The following LATS1 variants were observed in gnomAD, a reference collection of about 807,000 sequenced individuals.
LATS1 encodes large tumor suppressor kinase 1, also known as serine/threonine-protein kinase LATS1.
Under a neutral mutation model 106.6 loss-of-function variants are expected in LATS1, and 25 were observed. The observed-to-expected ratio is 0.23, with a 90% CI of 0.17 to 0.33. The LOEUF (loss-of-function observed/expected upper bound fraction) is 0.33. LATS1 is among the 10% of genes least tolerant of loss of function. LATS1 has a pLI of 1.00. For missense variants in LATS1, 1,040 were observed against 1,382.6 expected (o/e 0.75, Z 3.93); for synonymous variants, 465 against 455.6 (o/e 1.02, Z -0.26).
At chr6:149,673,990 C>G (rs1562323377) in intron 7 of LATS1, among the ~76,000 whole-genome samples, 1 of 149,994 alleles carries the variant, frequency 6.7e-6, no homozygotes, top group African/African-American at 2.5e-5. Flanking sequence ...AAAACCATTT[C>G]TATATTAAAT....
chr6:149,669,148 T>C (rs1278959286), intron 7 of LATS1, among the ~76,000 whole-genome samples: 1 of 150,970 alleles, frequency 6.6e-6, no homozygotes, highest in Non-Finnish European at 1.5e-5. Context: ...GATTGATTGA[T>C]TGATTGAGAC....
At chr6:149,687,685 A>T (rs952035672) in intron 3 of LATS1, among the ~76,000 whole-genome samples, 3 of 151,944 alleles carry the variant, frequency 2.0e-5, no homozygotes, top group African/African-American at 4.8e-5. Context: ...CTCCTTCCTC[A>T]GCCTCCCAAA....
intron 7 of LATS1, 85 bp from the exon 8 acceptor site, chr6:149,662,323 G>A (rs1243230082): frequency 8.8e-7 from 1 of 1,142,586 alleles, no homozygotes; most frequent in Non-Finnish European, 1.2e-6. Flanking sequence ...AAGTCTCACT[G>A]GGCTATTTTT....
intron 3 of LATS1, among the ~76,000 whole-genome samples, chr6:149,688,236 T>A (rs1296514759): frequency 1.3e-5 from 2 of 152,088 alleles, no homozygotes; most frequent in African/African-American, 4.8e-5. Flanking sequence ...TATCACTTTG[T>A]TCTTCCCTCT....
chr6:149,679,009 G>C (rs1445138434), intron 5 of LATS1, among the ~76,000 whole-genome samples: 1 of 151,788 alleles, frequency 6.6e-6, no homozygotes, highest in African/African-American at 2.4e-5. Flanking sequence ...TCAACACAAA[G>C]AATATATATA....
At chr6:149,665,412 C>T (rs774922099) in intron 7 of LATS1, among the ~76,000 whole-genome samples, 46 of 152,132 alleles carry the variant, frequency 3.0e-4, no homozygotes, top group Non-Finnish European at 4.7e-4. Context: ...TGGGTTGAAT[C>T]TCTGTTGCTC....
At chr6:149,664,393 C>T (rs1256740777) in intron 7 of LATS1, among the ~76,000 whole-genome samples, 1 of 152,164 alleles carries the variant, frequency 6.6e-6, no homozygotes, top group East Asian at 1.9e-4. Flanking sequence ...TTCCCCAAAT[C>T]GATGAAAGTC....
At chr6:149,701,117 T>G (rs761231655) in intron 2 of LATS1, among the ~76,000 whole-genome samples, 6 of 152,222 alleles carry the variant, frequency 3.9e-5, no homozygotes, top group Non-Finnish European at 8.8e-5. Flanking sequence ...TTTACTTAAA[T>G]TTTACATTGC....
chr6:149,677,109 A>C (rs1327189561), intron 5 of LATS1, among the ~76,000 whole-genome samples: 5 of 151,742 alleles, frequency 3.3e-5, no homozygotes, highest in African/African-American at 4.9e-5. Context: ...AGTGATAATA[A>C]GACAAAGCTC....
In LATS1 at chr6:149,701,779, C is replaced by G; in HGVS notation, c.348G>C (p.Glu116Asp). 6.2e-7 allele frequency: 1 copy of G among 1,602,470 alleles called. No homozygotes were observed. The highest frequency in any genetic ancestry group is 8.5e-7 in the Non-Finnish European group (1 of 1,172,084). Residue 116 changes from glutamate (E) to aspartate (D), a missense_variant and splice_region_variant, in exon 2 of 8, where the codon GAG becomes GAC. Glu to Asp is a conservative substitution (Grantham distance 45). Around this residue, in one of 7 missense-constraint regions of LATS1, gnomAD observed 624 missense variants for 714.8 expected, o/e 0.87. Coordinates refer to ENST00000543571, the MANE Select transcript of LATS1 (RefSeq NM_004690.4). The stretch of plus-strand genomic sequence containing the variant: ...TTCTTTTGTCTTTAAACATTCTTAC[C>G]TCATCAAATCCAGCAGCTTGCAAGT... ...LQDLQAAGFD[E>D]DMVIQALQKT...
At chr6:149,689,282 T>A (rs1328521977) in intron 3 of LATS1, among the ~76,000 whole-genome samples, 1 of 151,862 alleles carries the variant, frequency 6.6e-6, no homozygotes, top group Non-Finnish European at 1.5e-5. Context: ...TGGTATTGGA[T>A]GGGATCTAAG....
intron 2 of LATS1, 43 bp downstream of exon 2, chr6:149,701,736 T>A (rs1435695202): frequency 5.6e-6 from 8 of 1,439,142 alleles, no homozygotes; most frequent in Non-Finnish European, 7.6e-6. Context: ...TTATGTAGCA[T>A]AAGGTAAGAA....
intron 2 of LATS1, among the ~76,000 whole-genome samples, chr6:149,695,677 A>G (rs201870796): frequency 4.8e-5 from 2 of 41,822 alleles, no homozygotes; most frequent in Non-Finnish European, 3.7e-5. Flanking sequence ...GCTGTCTTGG[A>G]AAAAAAAAAA....
At chr6:149,669,324 G>A (rs1264291517) in intron 7 of LATS1, among the ~76,000 whole-genome samples, 1 of 151,686 alleles carries the variant, frequency 6.6e-6, no homozygotes, top group Non-Finnish European at 1.5e-5. Context: ...TAGTAGAGAC[G>A]GGGTTTCACC....
In LATS1 at chr6:149,676,692, C is replaced by T. The variant is rs1172171860; in HGVS notation, c.2639G>A (p.Gly880Glu). Residue 880 changes from glycine (G) to glutamate (E), a missense_variant, in exon 6 of 8, where the codon GGG becomes GAG. Physicochemically the swap from Gly to Glu is moderately conservative, Grantham distance 98. Around this residue, in one of 7 missense-constraint regions of LATS1, gnomAD observed 63 missense variants for 64.3 expected, o/e 0.98. Coordinates refer to ENST00000543571, the MANE Select transcript of LATS1 (RefSeq NM_004690.4). ...TCCACATCGACAGCTTGAGGGATCCCCCCATTCATTACTGAAATCCATGCT... is the reference window on the plus strand; with the variant it reads ...TCCACATCGACAGCTTGAGGGATCCTCCCATTCATTACTGAAATCCATGCT... ...QDSMDFSNEWGDPSSCRCGDR... is the reference protein window; with the variant it reads ...QDSMDFSNEWEDPSSCRCGDR... 6.2e-7 allele frequency: 1 copy of T among 1,613,900 alleles called. No homozygotes were observed. The highest frequency in any genetic ancestry group is 8.5e-7 in the Non-Finnish European group (1 of 1,179,968).
chr6:149,688,282 C>G (rs1463849848), intron 3 of LATS1, among the ~76,000 whole-genome samples: 2 of 151,948 alleles, frequency 1.3e-5, no homozygotes, highest in East Asian at 3.9e-4. Flanking sequence ...CCTTTTTATT[C>G]ATTCATTAAA....
intron 1 of LATS1, among the ~76,000 whole-genome samples, chr6:149,715,269 A>G (rs1784323462): frequency 6.6e-6 from 1 of 152,022 alleles, no homozygotes; most frequent in African/African-American, 2.4e-5. Context: ...GGGTTTCACC[A>G]TGTTGGCCAG....
chr6:149,685,090 TAGCC>T (rs1307079036), intron 3 of LATS1, among the ~76,000 whole-genome samples: 1 of 151,778 alleles, frequency 6.6e-6, no homozygotes, highest in Non-Finnish European at 1.5e-5. Flanking sequence ...ACAAAAAAAT[TAGCC>T]AGGCGTGGTG....
intron 7 of LATS1, among the ~76,000 whole-genome samples, chr6:149,662,686 G>C (rs1780935365): frequency 6.6e-6 from 1 of 152,132 alleles, no homozygotes; most frequent in Non-Finnish European, 1.5e-5. Flanking sequence ...CTGGTGCCAA[G>C]CGTGGTGGCT....
Sources: allele counts gnomAD v4.1 joint callset (sites outside exome capture counted in the v4.1 genomes callset), GRCh38; gene constraint gnomAD v4.1.1; regional missense constraint gnomAD v4.1.1; transcripts MANE v1.5; gene names NCBI Gene and HGNC (gene_info 2026-07-23, HGNC 2026-07-21).